The following ENOX1 variants were observed in gnomAD, a reference collection of about 807,000 sequenced individuals.
The protein encoded by ENOX1 is ecto-NOX disulfide-thiol exchanger 1, also known as candidate growth-related and time keeping constitutive hydroquinone (NADH) oxidase.
In ENOX1, 42 loss-of-function variants were observed where a neutral mutation model predicts 82.5. That is an observed-to-expected ratio of 0.51 (90% CI 0.40 to 0.66). The LOEUF (loss-of-function observed/expected upper bound fraction) is 0.66. ENOX1 is among the 30% of genes least tolerant of loss of function. ENOX1 has a pLI of 0.00. For synonymous variants in ENOX1, 271 were observed against 282.2 expected (o/e 0.96, Z 0.40); for missense variants, 608 against 811.6 (o/e 0.75, Z 3.05).
chr13:43,433,124 G>T (rs190503236), intron 3 of ENOX1, among the ~76,000 whole-genome samples: 1 of 152,116 alleles, frequency 6.6e-6, no homozygotes, highest in Non-Finnish European at 1.5e-5. Context: ...GGTTCTGCAG[G>T]CTGTACAAAA....
At chr13:43,620,142 T>C (rs1357501530) in intron 2 of ENOX1, among the ~76,000 whole-genome samples, 1 of 152,174 alleles carries the variant, frequency 6.6e-6, no homozygotes, top group East Asian at 1.9e-4. Flanking sequence ...ATTTTCTCTC[T>C]TTTCTTGATT....
intron 1 of ENOX1, among the ~76,000 whole-genome samples, chr13:43,721,608 G>T (rs2088587642): frequency 6.6e-6 from 1 of 151,888 alleles, no homozygotes. Context: ...TCGATCTCCT[G>T]ACCTCGTGAT....
intron 1 of ENOX1, among the ~76,000 whole-genome samples, chr13:43,683,766 G>A (rs1400462949): frequency 6.6e-6 from 1 of 152,016 alleles, no homozygotes; most frequent in South Asian, 2.1e-4. Flanking sequence ...ATGTCTTGGC[G>A]ACACCACCTT....
chr13:43,435,303 C>T (rs1365985204), intron 3 of ENOX1, among the ~76,000 whole-genome samples: 1 of 152,120 alleles, frequency 6.6e-6, no homozygotes, highest in Non-Finnish European at 1.5e-5. Flanking sequence ...GGTAGTGTGG[C>T]CTGTTGGTCA....
At chr13:43,327,708 T>C (rs1239392165) in intron 9 of ENOX1, among the ~76,000 whole-genome samples, 1 of 152,188 alleles carries the variant, frequency 6.6e-6, no homozygotes, top group Non-Finnish European at 1.5e-5. Context: ...AATCTTCTGG[T>C]GTCCAAAGAA....
chr13:43,278,278 C>T (rs147097587), intron 12 of ENOX1, among the ~76,000 whole-genome samples: 8 of 152,184 alleles, frequency 5.3e-5, no homozygotes, highest in African/African-American at 1.9e-4. Flanking sequence ...TACAGTCTGC[C>T]CCAGCTCTCT....
chr13:43,337,268 T>C (rs1025165432), intron 9 of ENOX1, among the ~76,000 whole-genome samples: 4 of 152,230 alleles, frequency 2.6e-5, no homozygotes, highest in African/African-American at 4.8e-5. Context: ...ACAAGAATTA[T>C]GCCAGGTCCA....
chr13:43,392,632 T>C (rs1402009085), intron 5 of ENOX1, among the ~76,000 whole-genome samples: 4 of 151,998 alleles, frequency 2.6e-5, no homozygotes, highest in African/African-American at 9.7e-5. Flanking sequence ...GAGGTGGAGG[T>C]TGCAGTGAGC....
chr13:43,531,689 G>A (rs1410941418), intron 2 of ENOX1, among the ~76,000 whole-genome samples: 2 of 146,086 alleles, frequency 1.4e-5, no homozygotes, highest in African/African-American at 5.1e-5. Context: ...GTCCAACAAC[G>A]ATAGACTGGA....
At chr13:43,230,460 T>C (rs1239210491) in intron 15 of ENOX1, among the ~76,000 whole-genome samples, 2 of 152,132 alleles carry the variant, frequency 1.3e-5, no homozygotes, top group Non-Finnish European at 2.9e-5. Context: ...AGGTACAAGA[T>C]AGTAGAGTTC....
At chr13:43,541,173 G>GTTTTTTTTTTTTTTTTTTTTTTTTTT (rs553504525) in intron 2 of ENOX1, among the ~76,000 whole-genome samples, 12 of 64,582 alleles carry the variant, frequency 1.9e-4, no homozygotes, top group East Asian at 5.2e-4. Context: ...TCTTCCCTCT[G>GTTTTTTTTTTTTTTTTTTTTTTTTTT]TTTTTTTTTT....
intron 1 of ENOX1, among the ~76,000 whole-genome samples, chr13:43,712,433 G>A (rs1023897297): frequency 2.0e-5 from 3 of 151,906 alleles, no homozygotes; most frequent in Non-Finnish European, 2.9e-5. Context: ...ATGAACTTTA[G>A]TTTTTTCCAA....
At chr13:43,360,079 A>G in intron 6 of ENOX1, 22 bp from the exon 7 acceptor site, 2 of 1,607,170 alleles carry the variant, frequency 1.2e-6, no homozygotes, top group African/African-American at 2.7e-5. Context: ...AACAAAACAG[A>G]AAGTTTTATC....
At chr13:43,622,667 G>A (rs1173801822) in intron 2 of ENOX1, among the ~76,000 whole-genome samples, 2 of 152,104 alleles carry the variant, frequency 1.3e-5, no homozygotes, top group Non-Finnish European at 2.9e-5. Flanking sequence ...GGGGATCAGG[G>A]ATGCAATGGA....
At position 43,320,784 on chromosome 13, in the gene ENOX1, A is replaced by C. The variant is rs143352644; in HGVS notation, c.1261+1600T>G. On this transcript the variant is annotated intron_variant, in intron 11 of 16. Transcript: ENST00000690772. The stretch of plus-strand genomic sequence containing the variant: ...CATGTCAACTTGCCTCTCATCCAGA[A>C]GCTTCACAAAGGATGAAAGCGCTTT... 5.2e-3 allele frequency among the ~76,000 whole-genome samples: 790 copies of C among 152,334 alleles called. 5 individuals are homozygous for C. The highest frequency in any genetic ancestry group is 7.6e-3 in the Non-Finnish European group (516 of 68,028).
chr13:43,228,496 T>C (rs2042125578), intron 15 of ENOX1, among the ~76,000 whole-genome samples: 1 of 152,214 alleles, frequency 6.6e-6, no homozygotes, highest in African/African-American at 2.4e-5. Context: ...AAAACTACTT[T>C]AGAAAGAGTA....
intron 2 of ENOX1, among the ~76,000 whole-genome samples, chr13:43,489,053 GT>G (rs2076529309): frequency 6.6e-6 from 1 of 151,568 alleles, no homozygotes; most frequent in Non-Finnish European, 1.5e-5. Flanking sequence ...GCATGACCAA[GT>G]GACTGTTTGG....
At chr13:43,628,718 C>T (rs2083077427) in intron 2 of ENOX1, among the ~76,000 whole-genome samples, 1 of 152,198 alleles carries the variant, frequency 6.6e-6, no homozygotes, top group Non-Finnish European at 1.5e-5. Flanking sequence ...GACCTTGAAC[C>T]TTATTTAAAC....
intron 2 of ENOX1, among the ~76,000 whole-genome samples, chr13:43,488,184 G>T (rs965743133): frequency 2.6e-5 from 4 of 152,182 alleles, no homozygotes; most frequent in African/African-American, 9.7e-5. Flanking sequence ...TTCAGGTGTT[G>T]CCAATGTGAT....
Sources: allele counts gnomAD v4.1 joint callset (sites outside exome capture counted in the v4.1 genomes callset), GRCh38; gene constraint gnomAD v4.1.1; transcripts MANE v1.5; gene names NCBI Gene and HGNC (gene_info 2026-07-23, HGNC 2026-07-21).